The following DPP6 variants were observed in gnomAD, a reference collection of about 807,000 sequenced individuals.
The protein encoded by DPP6 is dipeptidyl peptidase like 6, also known as A-type potassium channel modulatory protein DPP6.
Under a neutral mutation model 122.6 loss-of-function variants are expected in DPP6, and 69 were observed. The ratio of observed to expected loss-of-function variants is 0.56; its 90% CI spans 0.46 to 0.69. DPP6 has a LOEUF of 0.69. Ranked by LOEUF, DPP6 falls within the 30% of genes least tolerant of loss-of-function variation. The probability of loss-of-function intolerance (pLI) is 0.00; values close to 1 mark genes in which losing one functional copy is unlikely to be tolerated. For missense variants in DPP6, 928 were observed against 1,116.9 expected (o/e 0.83, Z 2.41); for synonymous variants, 418 against 433.1 (o/e 0.97, Z 0.43).
At chr7:154,652,313 CT>C (rs1022376226) in intron 6 of DPP6, among the ~76,000 whole-genome samples, 2 of 151,384 alleles carry the variant, frequency 1.3e-5, no homozygotes, top group African/African-American at 4.9e-5. Flanking sequence ...TAATTTATTA[CT>C]TTTTTTCCCC....
At chr7:154,242,571 G>A (rs890323120) in intron 1 of DPP6, among the ~76,000 whole-genome samples, 9 of 152,196 alleles carry the variant, frequency 5.9e-5, no homozygotes, top group Admixed American at 1.3e-4. Flanking sequence ...ACAACAGGCA[G>A]CACAGAACTG....
At chr7:154,725,458 GA>G (rs1384636870) in intron 7 of DPP6, among the ~76,000 whole-genome samples, 3 of 152,122 alleles carry the variant, frequency 2.0e-5, no homozygotes, top group Non-Finnish European at 4.4e-5. Context: ...TTACATGGGG[GA>G]GCAAGAGAAA....
chr7:153,966,218 A>G (rs997363049), intron 1 of DPP6, among the ~76,000 whole-genome samples: 22 of 148,468 alleles, frequency 1.5e-4, no homozygotes, highest in Admixed American at 1.4e-4. Context: ...AAAAACACAC[A>G]TATATGGGGC....
intron 20 of DPP6, 54 bp downstream of exon 20, chr7:154,876,154 G>A (rs1804832911): frequency 4.7e-6 from 7 of 1,500,952 alleles, no homozygotes; most frequent in Non-Finnish European, 6.2e-6. Context: ...GGCTCCTCAT[G>A]GGGGCAGCAC....
At chr7:154,506,629 C>G (rs2129714102) in intron 3 of DPP6, among the ~76,000 whole-genome samples, 1 of 152,124 alleles carries the variant, frequency 6.6e-6, no homozygotes, top group Non-Finnish European at 1.5e-5. Flanking sequence ...TCCAAATAAC[C>G]AATTTTAAAG....
chr7:154,310,086 T>G (rs1462301982), intron 1 of DPP6, among the ~76,000 whole-genome samples: 1 of 152,018 alleles, frequency 6.6e-6, no homozygotes, highest in African/African-American at 2.4e-5. Context: ...GTGTGAAGGA[T>G]TTGAGGAGAG....
At chr7:153,870,911 T>C in the DPP6 span, among the ~76,000 whole-genome samples, 5,457 of 152,272 alleles carry the variant, frequency 0.036, 141 homozygotes, top group Middle Eastern at 0.072. Flanking sequence ...TTGCTAGAGG[T>C]CCACTCCAGA....
intron 1 of DPP6, chr7:154,058,502 G>T (rs1280402428): frequency 6.4e-5 from 9 of 139,828 alleles, no homozygotes; most frequent in Non-Finnish European, 1.2e-4. Context: ...CCTCCGCGAG[G>T]CAGGGACTGA....
intron 1 of DPP6, among the ~76,000 whole-genome samples, chr7:153,914,883 C>T (rs1027219362): frequency 6.6e-6 from 1 of 152,154 alleles, no homozygotes; most frequent in African/African-American, 2.4e-5. Flanking sequence ...TGCTGTGGGG[C>T]TCACCTCTCC....
At chr7:153,809,603 G>C in the DPP6 span, among the ~76,000 whole-genome samples, 1 of 152,078 alleles carries the variant, frequency 6.6e-6, no homozygotes, top group South Asian at 2.1e-4. Flanking sequence ...CCCTTTCCTT[G>C]GTGCAGTGTT....
chr7:154,313,716 C>CATATATATAT, intron 1 of DPP6, among the ~76,000 whole-genome samples: 1 of 22,314 alleles, frequency 4.5e-5, no homozygotes, highest in African/African-American at 1.1e-4. Flanking sequence ...TATATATATA[C>CATATATATAT]ACACACACGC....
chr7:154,774,326 C>T (rs1796436623), intron 10 of DPP6, among the ~76,000 whole-genome samples: 1 of 152,188 alleles, frequency 6.6e-6, no homozygotes. Context: ...CCTAAAGTTC[C>T]ATATATTTTA....
At chr7:154,539,582 G>A (rs1197424386) in intron 3 of DPP6, among the ~76,000 whole-genome samples, 1 of 151,116 alleles carries the variant, frequency 6.6e-6, no homozygotes. Flanking sequence ...GTATACATAT[G>A]TAACAAACCT....
chr7:154,383,263 G>T (rs986156383), intron 1 of DPP6, among the ~76,000 whole-genome samples: 4 of 152,162 alleles, frequency 2.6e-5, no homozygotes, highest in African/African-American at 9.7e-5. Context: ...AATTCCTATA[G>T]TATTTACACT....
At position 154,785,191 on chromosome 7, in the gene DPP6, T is replaced by G. The variant is rs886690764; in HGVS notation, c.1137-8888T>G. On this transcript the variant is annotated intron_variant, in intron 10 of 25. Transcript: ENST00000377770. ...TTCTTTTTTATCAAAGTATTGCATA[T>G]TAGTGCTTAAAAATAAAATAATATG... 9.2e-5 allele frequency among the ~76,000 whole-genome samples: 14 copies of G among 152,216 alleles called. 1 individual carries two copies. Among genetic ancestry groups the G allele is most frequent in the Admixed American group, 9.2e-4 (14 of 15,282 alleles).
In DPP6 at chr7:154,821,633, TATATATATATATACAC is replaced by T. The variant is rs1193512172; in HGVS notation, c.1666+14535_1666+14550del. ...TATATATATATTTTTTTTCTGTATA[TATATATATATATACAC>T]ATATATATATATATACACATATATA... On this transcript the variant is annotated intron_variant, in intron 16 of 25. Transcript: ENST00000377770. This position sits in a 1 kb window ranked among gnomAD's most constrained non-coding sequence, Gnocchi z 4.2. 1.2e-4 allele frequency among the ~76,000 whole-genome samples: 11 copies of T among 89,964 alleles called. No individual in the cohort carries two copies. Among genetic ancestry groups the T allele is most frequent in the African/African-American group, 6.7e-4 (11 of 16,536 alleles). 59.0% of individuals were successfully genotyped at this position (89,964 alleles called of 152,430 possible).
chr7:154,062,007 C>T (rs1259203132), intron 1 of DPP6, among the ~76,000 whole-genome samples: 15 of 120,490 alleles, frequency 1.2e-4, no homozygotes, highest in African/African-American at 3.1e-4. Context: ...GTTGGTACCC[C>T]CATCGCAGGG....
At chr7:154,163,168 G>C (rs974376482) in intron 1 of DPP6, among the ~76,000 whole-genome samples, 6 of 152,126 alleles carry the variant, frequency 3.9e-5, no homozygotes, top group Non-Finnish European at 2.9e-5. Context: ...CTAGTGTTGA[G>C]TGGAACTCTA....
intron 1 of DPP6, among the ~76,000 whole-genome samples, chr7:154,231,059 G>C (rs1360540781): frequency 1.3e-5 from 2 of 152,180 alleles, no homozygotes; most frequent in African/African-American, 4.8e-5. Flanking sequence ...TGCATCTAGT[G>C]ACTGATTCTT....
Sources: gnomAD v4.1 joint callset for allele counts (sites outside exome capture counted in the v4.1 genomes callset) on GRCh38, gnomAD v4.1.1 for gene constraint, Gnocchi (gnomAD v3.1) non-coding constraint, MANE v1.5 for transcripts, NCBI Gene and HGNC (gene_info 2026-07-23, HGNC 2026-07-21) for gene names.